The following UNC79 variants were observed in gnomAD, a reference collection of about 807,000 sequenced individuals.
UNC79 encodes protein unc-79 homolog.
In UNC79, 37 loss-of-function variants were observed where a neutral mutation model predicts 283.1. That is an observed-to-expected ratio of 0.13 (90% CI 0.10 to 0.17). The LOEUF (loss-of-function observed/expected upper bound fraction) is 0.17. Among genes scored for constraint, UNC79 ranks in the 10% least tolerant of loss-of-function variants. The pLI is 1.00. For missense variants in UNC79, 2,272 were observed against 3,211.1 expected, an observed-to-expected ratio of 0.71 and a Z score of 7.07; for synonymous variants, 1,107 against 1,200.2, an observed-to-expected ratio of 0.92 and a Z score of 1.61.
At chr14:93,483,682 C>T (rs1038667200) in intron 4 of UNC79, among the ~76,000 whole-genome samples, 1 of 147,580 alleles carries the variant, frequency 6.8e-6, no homozygotes. Context: ...TCCCTCCCCC[C>T]TCCCCCAACC....
At position 93,545,142 on chromosome 14, in the gene UNC79, A is replaced by G. The variant is rs144607611; in HGVS notation, c.1755+2446A>G. Among the ~76,000 whole-genome samples, 455 of 152,272 alleles carry G rather than the reference A, an allele frequency of 3.0e-3. 2 individuals carry two copies. Among genetic ancestry groups the G allele is most frequent in the African/African-American group, 0.01 (428 of 41,556 alleles). On this transcript the variant is annotated intron_variant, in intron 14 of 48. Transcript: ENST00000555664. ...GGATCTAGTTTACAAAGAGGTGAAA[A>G]CTATCTCAAAGGTGATGAACAGGAC...
At position 93,674,075 on chromosome 14, in the gene UNC79, C is replaced by T. The variant is rs192650613; in HGVS notation, c.6741+620C>T. ...GGACTAAAGCCTTCTACCCTGCTGTCCTTAACTCAGCATCTTAGGCAGGCA... is the reference window on the plus strand; with the variant it reads ...GGACTAAAGCCTTCTACCCTGCTGTTCTTAACTCAGCATCTTAGGCAGGCA... On this transcript the variant is annotated intron_variant, in intron 41 of 48. Coordinates refer to ENST00000555664, the Ensembl canonical transcript of UNC79. 1.4e-3 allele frequency among the ~76,000 whole-genome samples: 211 copies of T among 152,212 alleles called. 1 individual carries two copies. Among genetic ancestry groups the T allele is most frequent in the Middle Eastern group, 3.4e-3 (1 of 294 alleles).
intron 24 of UNC79, among the ~76,000 whole-genome samples, chr14:93,598,287 G>A (rs1421402977): frequency 6.6e-6 from 1 of 151,794 alleles, no homozygotes; most frequent in Non-Finnish European, 1.5e-5. Flanking sequence ...TGTACTGCCT[G>A]GCCCATTTGT....
intron 35 of UNC79, among the ~76,000 whole-genome samples, chr14:93,652,928 G>A (rs1285535747): frequency 2.0e-5 from 3 of 152,146 alleles, no homozygotes; most frequent in African/African-American, 4.8e-5. Flanking sequence ...ATTTTCTGAA[G>A]TTATTGTAAG....
At position 93,474,937 on chromosome 14, in the gene UNC79, T is replaced by A. The variant is rs1016288237; in HGVS notation, c.448+544T>A. Among the ~76,000 whole-genome samples, 1 of 152,220 alleles carries A rather than the reference T, an allele frequency of 6.6e-6. No individual in the cohort carries two copies. Among genetic ancestry groups the A allele is most frequent in the Non-Finnish European group, 1.5e-5 (1 of 68,032 alleles). On this transcript the variant is annotated intron_variant, in intron 3 of 48. Coordinates refer to ENST00000555664, the Ensembl canonical transcript of UNC79. This position sits in a 1 kb window ranked among gnomAD's most constrained non-coding sequence, Gnocchi z 4.1. ...GTTATTACAAAATGTTGTATCAAAA[T>A]GTAGATATAGTATATAGTGGCGCTG... is the stretch of plus-strand genomic sequence containing the variant.
intron 1 of UNC79, among the ~76,000 whole-genome samples, chr14:93,365,429 C>A (rs2054309795): frequency 6.7e-6 from 1 of 149,328 alleles, no homozygotes; most frequent in East Asian, 2.0e-4. Flanking sequence ...CAAATTTCAC[C>A]AAATACTTGA....
At chr14:93,506,093 G>GT (rs2059523766) in intron 7 of UNC79, among the ~76,000 whole-genome samples, 1 of 151,844 alleles carries the variant, frequency 6.6e-6, no homozygotes, top group South Asian at 2.1e-4. Context: ...TGGGATTGAA[G>GT]TTTTTTAAAA....
chr14:93,467,610 T>TCC, intron 1 of UNC79, 61 bp from the exon 2 acceptor site: 1 of 1,278,360 alleles, frequency 7.8e-7, no homozygotes, highest in African/African-American at 1.6e-5. Flanking sequence ...ATGATTCTTC[T>TCC]CTTTCTTTTT....
intron 1 of UNC79, among the ~76,000 whole-genome samples, chr14:93,457,092 T>C (rs145131140): frequency 1.2e-3 from 190 of 152,340 alleles, no homozygotes; most frequent in Non-Finnish European, 2.3e-3. Context: ...GATTCAAAAC[T>C]AGCCCATGAA....
chr14:93,545,906 TA>T (rs2061577164), intron 14 of UNC79, among the ~76,000 whole-genome samples: 1 of 151,482 alleles, frequency 6.6e-6, no homozygotes, highest in African/African-American at 2.4e-5. Flanking sequence ...GAGGAAGGAG[TA>T]GGGGTGGCTA....
At chr14:93,353,853 G>A (rs1291888566) in intron 1 of UNC79, among the ~76,000 whole-genome samples, 1 of 152,154 alleles carries the variant, frequency 6.6e-6, no homozygotes, top group Admixed American at 6.5e-5. Flanking sequence ...CTCTAGAGGA[G>A]GAGATAGACA....
chr14:93,524,073 G>T, intron 8 of UNC79, 31 bp downstream of exon 8: 2 of 1,611,418 alleles, frequency 1.2e-6, no homozygotes, highest in Non-Finnish European at 1.7e-6. Flanking sequence ...GTGCCATACT[G>T]TATTGTCAGT....
In UNC79 at chr14:93,647,826, C is replaced by T. The variant is rs146573410; in HGVS notation, c.6083+1180C>T. On this transcript the variant is annotated intron_variant, in intron 35 of 48. Transcript: ENST00000555664. ...GTGGTTTAATTGACTCACAGTTCCA[C>T]ATGGCTGGGGAGGCCTCACAATCAT... is the stretch of plus-strand genomic sequence containing the variant. 3.7e-3 allele frequency among the ~76,000 whole-genome samples: 571 copies of T among 152,322 alleles called. 2 individuals are homozygous for T. The highest frequency in any genetic ancestry group is 0.013 in the African/African-American group (547 of 41,564).
chr14:93,431,183 G>T (rs1327371557), intron 1 of UNC79, 132 bp downstream of exon 1: 2 of 419,606 alleles, frequency 4.8e-6, no homozygotes, highest in Non-Finnish European at 8.7e-6. Context: ...GGGCGGGTGG[G>T]GGGTGGCGGA....
intron 1 of UNC79, among the ~76,000 whole-genome samples, chr14:93,422,497 T>C (rs1887602819): frequency 6.6e-6 from 1 of 152,140 alleles, no homozygotes; most frequent in Non-Finnish European, 1.5e-5. Context: ...GAGGGCATAA[T>C]GAGGCATGTC....
intron 41 of UNC79, among the ~76,000 whole-genome samples, chr14:93,679,262 C>T (rs2073625172): frequency 6.6e-6 from 1 of 152,046 alleles, no homozygotes. Context: ...AGATCGAGAC[C>T]ATCCTGGCTA....
exon 43 of UNC79, chr14:93,686,648 T>C: frequency 6.2e-7 from 1 of 1,614,118 alleles, no homozygotes; most frequent in Non-Finnish European, 8.5e-7. Flanking sequence ...ATGCACACGC[T>C]GACCAAACTG....
chr14:93,659,952 C>G (rs1246087745), intron 39 of UNC79, among the ~76,000 whole-genome samples: 1 of 152,112 alleles, frequency 6.6e-6, no homozygotes. Flanking sequence ...GTAACTTTTT[C>G]CTGTATCAGC....
At chr14:93,506,889 A>G (rs912119952) in intron 7 of UNC79, among the ~76,000 whole-genome samples, 6 of 152,206 alleles carry the variant, frequency 3.9e-5, no homozygotes, top group African/African-American at 1.4e-4. Flanking sequence ...CCAGAAAATA[A>G]TGGTATGCCT....
Sources: allele counts gnomAD v4.1 joint callset (sites outside exome capture counted in the v4.1 genomes callset), GRCh38; gene constraint gnomAD v4.1.1; non-coding constraint Gnocchi (gnomAD v3.1); transcripts MANE v1.5; gene names NCBI Gene and HGNC (gene_info 2026-07-23, HGNC 2026-07-21).